FAM124A: variants seen among roughly 807,000 people sequenced by gnomAD.
FAM124A encodes family with sequence similarity 124 member A, also known as protein FAM124A.
In FAM124A, 23 loss-of-function variants were observed where a neutral mutation model predicts 24.5. The observed-to-expected ratio is 0.94, with a 90% CI of 0.68 to 1.33. The LOEUF is 1.33. Ranked by LOEUF, FAM124A falls within the 40% of genes most tolerant of loss-of-function variation. The pLI is 0.00. For synonymous variants in FAM124A, 287 were observed against 314.7 expected, an observed-to-expected ratio of 0.91 and a Z score of 0.93; for missense variants, 623 against 722.8, an observed-to-expected ratio of 0.86 and a Z score of 1.58.
intron 3 of FAM124A, among the ~76,000 whole-genome samples, chr13:51,276,401 A>C (rs767337379): frequency 2.6e-5 from 4 of 152,224 alleles, no homozygotes; most frequent in Non-Finnish European, 5.9e-5. Context: ...ACACTTCCAT[A>C]ATAGCGACAG....
In FAM124A at chr13:51,251,560, A is replaced by T. The variant is rs761887391; in HGVS notation, c.193A>T (p.Ile65Phe). Residue 65 changes from isoleucine to phenylalanine, a missense_variant, in exon 3 of 4, where the codon ATC (isoleucine) becomes TTC (phenylalanine). By Grantham distance (21) the Ile-to-Phe change is conservative (BLOSUM62 0). Coordinates refer to ENST00000322475, the MANE Select transcript of FAM124A (RefSeq NM_001242312.2). The surrounding 1 kb of genome is among the most constrained non-coding windows in gnomAD (Gnocchi z 5.3). ...PGESQPLQEAIDNVLAWIHPD... is the reference protein window; with the variant it reads ...PGESQPLQEAFDNVLAWIHPD... ...GGAGTCCCAGCCCCTGCAGGAGGCC[A>T]TCGACAACGTCCTGGCGTGGATCCA... 22 of 1,535,158 alleles carry T rather than the reference A, an allele frequency of 1.4e-5. 1 individual carries two copies. Among genetic ancestry groups the T allele is most frequent in the Non-Finnish European group, 1.8e-5 (20 of 1,139,468 alleles).
intron 2 of FAM124A, among the ~76,000 whole-genome samples, chr13:51,231,788 G>T (rs1375568221): frequency 1.3e-5 from 2 of 152,212 alleles, no homozygotes; most frequent in African/African-American, 4.8e-5. Context: ...GTCTGCATCT[G>T]CAGGCAAATA....
At chr13:51,223,658 G>C (rs569337614) in intron 1 of FAM124A, among the ~76,000 whole-genome samples, 2 of 152,114 alleles carry the variant, frequency 1.3e-5, no homozygotes, top group African/African-American at 2.4e-5. Context: ...GCCCAAATGC[G>C]GGACTTTACT....
intron 2 of FAM124A, among the ~76,000 whole-genome samples, chr13:51,235,536 T>C (rs887132817): frequency 2.0e-5 from 3 of 152,230 alleles, no homozygotes; most frequent in African/African-American, 7.2e-5. Flanking sequence ...TAGGAAAATA[T>C]GACATTTTTT....
At chr13:51,241,608 T>A (rs1275985427) in intron 2 of FAM124A, among the ~76,000 whole-genome samples, 1 of 152,202 alleles carries the variant, frequency 6.6e-6, no homozygotes, top group Non-Finnish European at 1.5e-5. Flanking sequence ...TTTCTAGTCA[T>A]GTCCAGTAAG....
At chr13:51,224,333 T>C (rs966634901) in intron 1 of FAM124A, among the ~76,000 whole-genome samples, 6 of 152,132 alleles carry the variant, frequency 3.9e-5, no homozygotes, top group African/African-American at 1.4e-4. Flanking sequence ...TAGCCAGGTG[T>C]GGTGGCGCAT....
At chr13:51,249,638 T>C (rs1181741631) in intron 2 of FAM124A, among the ~76,000 whole-genome samples, 3 of 152,260 alleles carry the variant, frequency 2.0e-5, no homozygotes, top group Non-Finnish European at 2.9e-5. Context: ...GTTAGTACTT[T>C]ATTGGAAATT....
chr13:51,242,940 T>A (rs1180869800), intron 2 of FAM124A, among the ~76,000 whole-genome samples: 1 of 152,200 alleles, frequency 6.6e-6, no homozygotes, highest in Non-Finnish European at 1.5e-5. Context: ...ACCAGAAAGA[T>A]CCTTTATTGT....
At chr13:51,249,963 C>A (rs1954601487) in intron 2 of FAM124A, among the ~76,000 whole-genome samples, 1 of 152,204 alleles carries the variant, frequency 6.6e-6, no homozygotes, top group Non-Finnish European at 1.5e-5. Flanking sequence ...GTGCCAGCTT[C>A]TTTGTGTCCC....
At position 51,231,385 on chromosome 13, in the gene FAM124A, T is replaced by A; in HGVS notation, c.100+6T>A. ...CCACCTGTCCTCCACGAGCAGTAAG[T>A]ATCTTTTAAACATCCTTCAGCATTG... is the stretch of plus-strand genomic sequence containing the variant. On this transcript the variant is annotated splice_donor_region_variant and intron_variant, in intron 2 of 3. Coordinates refer to ENST00000322475, the MANE Select transcript of FAM124A (RefSeq NM_001242312.2). 6.2e-7 allele frequency: 1 copy of A among 1,613,968 alleles called. No homozygotes were observed. The highest frequency in any genetic ancestry group is 8.5e-7 in the Non-Finnish European group (1 of 1,179,960).
intron 1 of FAM124A, among the ~76,000 whole-genome samples, chr13:51,224,226 T>C (rs1954293091): frequency 6.6e-6 from 1 of 152,232 alleles, no homozygotes; most frequent in Non-Finnish European, 1.5e-5. Context: ...CCCAGCACTT[T>C]GGGTGGCCGA....
intron 2 of FAM124A, among the ~76,000 whole-genome samples, chr13:51,247,363 T>C (rs1954575088): frequency 1.3e-5 from 2 of 152,252 alleles, no homozygotes; most frequent in East Asian, 3.8e-4. Flanking sequence ...GGCAGGCTAC[T>C]TCACCTCCTG....
chr13:51,244,235 T>TTGAGCA (rs1203530645), intron 2 of FAM124A, among the ~76,000 whole-genome samples: 1 of 152,188 alleles, frequency 6.6e-6, no homozygotes, highest in African/African-American at 2.4e-5. Context: ...GGAAACCACG[T>TTGAGCA]TGAGCATGTG....
intron 1 of FAM124A, 104 bp downstream of exon 1, chr13:51,222,673 C>A (rs1954273472): frequency 1.8e-6 from 2 of 1,094,236 alleles, no homozygotes; most frequent in Admixed American, 4.5e-5. Flanking sequence ...GGGACCGGGG[C>A]GCGGGGCTTC....
rs1186367951 is a variant in FAM124A, at chr13:51,251,636, G to T, written c.269G>T (p.Arg90Leu). Reference protein sequence around the residue: ...RVSERRASRRRRKPPKGAQPA... With the variant: ...RVSERRASRRLRKPPKGAQPA... ...TCCGAGAGGCGGGCGTCCCGGCGGC[G>T]GCGGAAGCCCCCCAAGGGCGCTCAG... The change falls in exon 3 of 4, where the codon CGG becomes CTG. Residue 90 changes from arginine to leucine, a missense_variant. Coordinates refer to ENST00000322475, the MANE Select transcript of FAM124A (RefSeq NM_001242312.2). This position sits in a 1 kb window ranked among gnomAD's most constrained non-coding sequence, Gnocchi z 5.3. 1 of 1,564,136 alleles carries T rather than the reference G, an allele frequency of 6.4e-7. No individual in the cohort carries two copies. Among genetic ancestry groups the T allele is most frequent in the African/African-American group, 1.3e-5 (1 of 74,118 alleles).
Position 51,280,668 on chromosome 13 carries a change from C to T in FAM124A, c.1053C>T (p.Pro351=). Residue 351 remains proline (P), a synonymous_variant, in exon 4 of 4, where the codon CCC becomes CCT. Transcript: ENST00000322475. ...QEFAGRANST[P]NPPWSFQRSK... is the part of the protein sequence containing the mutation. ...TTGCCGGACGAGCCAACAGCACCCC[C>T]AACCCTCCCTGGTCTTTCCAGAGAA... The T allele has an allele frequency of 6.2e-7, 1 of 1,614,178 alleles. No individual in the cohort carries two copies. The highest frequency in any genetic ancestry group is 2.2e-5 in the East Asian group (1 of 44,874).
intron 2 of FAM124A, among the ~76,000 whole-genome samples, chr13:51,246,895 C>T (rs75168341): frequency 1.6e-3 from 243 of 152,372 alleles, no homozygotes; most frequent in Non-Finnish European, 2.6e-3. Flanking sequence ...CGGGCCTCTT[C>T]ACACCCAAGC....
chr13:51,226,652 G>C (rs1954318242), intron 1 of FAM124A, among the ~76,000 whole-genome samples: 1 of 152,206 alleles, frequency 6.6e-6, no homozygotes, highest in South Asian at 2.1e-4. Flanking sequence ...TTTGGGGTAA[G>C]GGGGTGTGAA....
At chr13:51,243,232 A>T (rs937780910) in intron 2 of FAM124A, among the ~76,000 whole-genome samples, 1 of 152,196 alleles carries the variant, frequency 6.6e-6, no homozygotes, top group Non-Finnish European at 1.5e-5. Context: ...ACAAAGTCTG[A>T]GATTTTGTCT....
Sources: allele counts gnomAD v4.1 joint callset (sites outside exome capture counted in the v4.1 genomes callset), GRCh38; gene constraint gnomAD v4.1.1; non-coding constraint Gnocchi (gnomAD v3.1); transcripts MANE v1.5; gene names NCBI Gene and HGNC (gene_info 2026-07-23, HGNC 2026-07-21).